Variants in CACNB2 observed in about 807,000 individuals in gnomAD.
CACNB2 encodes the protein voltage-dependent L-type calcium channel subunit beta-2.
A neutral mutation model predicts 73.3 loss-of-function variants in CACNB2; 42 were observed. The ratio of observed to expected loss-of-function variants is 0.57; its 90% CI spans 0.45 to 0.74. The LOEUF (loss-of-function observed/expected upper bound fraction) is 0.74, where lower values mean the gene tolerates loss of function less well. CACNB2 is among the 30% of genes least tolerant of loss of function. The probability of loss-of-function intolerance (pLI) is 0.00; values close to 1 mark genes in which losing one functional copy is unlikely to be tolerated. For synonymous variants in CACNB2, 348 were observed against 310.3 expected (o/e 1.12, Z -1.28); for missense variants, 940 against 853.0 (o/e 1.10, Z -1.27).
chr10:18,297,955 G>A lies in CACNB2; in HGVS notation c.214-103969G>A, dbSNP rs114304084. 9.9e-3 allele frequency among the ~76,000 whole-genome samples: 1,507 copies of A among 152,296 alleles called. 10 individuals are homozygous for A. Among genetic ancestry groups the A allele is most frequent in the African/African-American group, 0.016 (685 of 41,584 alleles). ...GCCGAAGAATGTGGATAAAGAAAGG[G>A]AAGGAGAATCAAATAATGCCCCCCA... is the stretch of plus-strand genomic sequence containing the variant. On this transcript the variant is annotated intron_variant, in intron 2 of 13. Transcript: ENST00000324631.
rs554425210 is a variant in CACNB2 at position 18,163,229 on chromosome 10, A to C, written c.213+12254A>C. Among the ~76,000 whole-genome samples, 7 of 152,346 alleles carry C rather than the reference A, an allele frequency of 4.6e-5. No individual in the cohort carries two copies. The South Asian group carries it at 1.4e-3, about 32-fold the overall frequency. ...ATTTGATCATTTGCACAACTCAGTGAGATGGATGATGTTAGTATCCCCGTT... is the reference window on the plus strand; with the variant it reads ...ATTTGATCATTTGCACAACTCAGTGCGATGGATGATGTTAGTATCCCCGTT... On this transcript the variant is annotated intron_variant, in intron 2 of 13. Coordinates refer to ENST00000324631, the MANE Select transcript of CACNB2 (RefSeq NM_201596.3).
At chr10:18,222,409 C>CACACACAG (rs2035830130) in intron 2 of CACNB2, among the ~76,000 whole-genome samples, 1 of 83,632 alleles carries the variant, frequency 1.2e-5, no homozygotes, top group Non-Finnish European at 3.0e-5. Context: ...CACACACATA[C>CACACACAG]ACACACACAC....
Position 18,539,296 on chromosome 10 carries a change from G to A in CACNB2, c.1555G>A (p.Glu519Lys). 6.2e-7 allele frequency: 1 copy of A among 1,613,976 alleles called. No homozygotes were observed. Among genetic ancestry groups the A allele is most frequent in the Non-Finnish European group, 8.5e-7 (1 of 1,179,996 alleles). ...PIRSASQAEE[E>K]PSVEPVKKSQ... is the part of the protein sequence containing the mutation. The stretch of plus-strand genomic sequence containing the variant: ...CCGTTCTGCTTCCCAAGCTGAAGAA[G>A]AACCTAGTGTGGAACCAGTCAAGAA... Residue 519 changes from glutamate to lysine, a missense_variant, in exon 14 of 14, where the codon GAA (glutamate) becomes AAA (lysine). Coordinates refer to ENST00000324631, the MANE Select transcript of CACNB2 (RefSeq NM_201596.3).
intron 9 of CACNB2, among the ~76,000 whole-genome samples, chr10:18,519,330 C>G (rs1158135181): frequency 6.6e-6 from 1 of 152,150 alleles, no homozygotes; most frequent in Non-Finnish European, 1.5e-5. Flanking sequence ...TGCCATCTCC[C>G]CCTCCTTAAT....
At chr10:18,141,295 C>A in intron 1 of CACNB2, 1 of 1,244,574 alleles carries the variant, frequency 8.0e-7, no homozygotes, top group Non-Finnish European at 1.1e-6. Context: ...CGCTCCGAGC[C>A]GGGGTGGGCG....
chr10:18,165,175 T>A (rs1319441380), intron 2 of CACNB2, among the ~76,000 whole-genome samples: 2 of 152,092 alleles, frequency 1.3e-5, no homozygotes, highest in Non-Finnish European at 2.9e-5. Flanking sequence ...AAGAAAGTCA[T>A]ATTTGAGCTG....
chr10:18,349,379 G>A (rs767563897), intron 2 of CACNB2, among the ~76,000 whole-genome samples: 1 of 152,204 alleles, frequency 6.6e-6, no homozygotes, highest in Non-Finnish European at 1.5e-5. Flanking sequence ...TAAGTTAATA[G>A]ACCACAGCGA....
intron 2 of CACNB2, among the ~76,000 whole-genome samples, chr10:18,156,875 A>AT (rs34590981): frequency 4.4e-5 from 3 of 68,364 alleles, no homozygotes; most frequent in Non-Finnish European, 8.7e-5. Context: ...CTAAAAGTAG[A>AT]AAAAAAAAAA....
At chr10:18,504,437 AT>A (rs11284460) in intron 5 of CACNB2, among the ~76,000 whole-genome samples, 113,915 of 151,856 alleles carry the variant, frequency 0.75, 43,095 homozygotes, top group East Asian at 0.98. Context: ...TTGCTCTTGC[AT>A]TTTTTTCCCT....
intron 2 of CACNB2, among the ~76,000 whole-genome samples, chr10:18,269,974 C>T (rs2037980511): frequency 1.3e-5 from 2 of 152,188 alleles, no homozygotes; most frequent in Non-Finnish European, 2.9e-5. Context: ...CATCCTAGTG[C>T]AGGCTGTTAT....
chr10:18,524,410 C>T (rs998526512), intron 9 of CACNB2, among the ~76,000 whole-genome samples: 1 of 151,892 alleles, frequency 6.6e-6, no homozygotes, highest in Non-Finnish European at 1.5e-5. Flanking sequence ...AATCCCAGCA[C>T]TTTGGGAGGC....
Position 18,523,046 on chromosome 10 carries a change from T to C in CACNB2, c.944+4078T>C, listed in dbSNP as rs117803175. Among the ~76,000 whole-genome samples, 611 of 152,318 alleles carry C rather than the reference T, an allele frequency of 4.0e-3. 4 individuals are homozygous for C. The highest frequency in any genetic ancestry group is 0.024 in the Middle Eastern group (7 of 294). On this transcript the variant is annotated intron_variant, in intron 9 of 13. Coordinates refer to ENST00000324631, the MANE Select transcript of CACNB2 (RefSeq NM_201596.3). ...CTAATTAGATTTTTTTAATTTTCCA[T>C]ATCTTTAAGAAATATTTTTCAGTTT... is the stretch of plus-strand genomic sequence containing the variant.
chr10:18,398,789 A>G (rs991984905), intron 2 of CACNB2, among the ~76,000 whole-genome samples: 4 of 152,042 alleles, frequency 2.6e-5, no homozygotes, highest in South Asian at 2.1e-4. Context: ...CTATGCTTCT[A>G]TGAACTACTC....
At chr10:18,224,074 G>T (rs907595575) in intron 2 of CACNB2, among the ~76,000 whole-genome samples, 3 of 151,460 alleles carry the variant, frequency 2.0e-5, no homozygotes, top group African/African-American at 4.9e-5. Context: ...ACTGCTTTTA[G>T]GTGGCCCTAG....
intron 2 of CACNB2, among the ~76,000 whole-genome samples, chr10:18,263,021 T>C (rs1009506532): frequency 6.6e-6 from 1 of 152,226 alleles, no homozygotes; most frequent in Non-Finnish European, 1.5e-5. Context: ...CAGATGTCTT[T>C]TAAAGATAAA....
In CACNB2 at chr10:18,380,455, T is replaced by TC. The variant is rs200922624; in HGVS notation, c.214-21469_214-21468insC. 0.032 allele frequency among the ~76,000 whole-genome samples: 4,569 copies of TC among 143,264 alleles called. 680 individuals carry two copies. The East Asian group carries it at 0.49, about 15-fold the overall frequency. The allele number at this position is 143,264 out of a possible 152,430, so 94.0% of individuals were successfully genotyped here. A position where few individuals can be genotyped will look rare whatever the true frequency, so the allele number is the denominator to read the frequency against. ...CTAACTTGAAACATGTGTTTTTCTTTTTTTTTTTTTTTTTTTTGAGATGGA... is the reference window on the plus strand; with the variant it reads ...CTAACTTGAAACATGTGTTTTTCTTTCTTTTTTTTTTTTTTTTTGAGATGGA... On this transcript the variant is annotated intron_variant, in intron 2 of 13. Coordinates refer to ENST00000324631, the MANE Select transcript of CACNB2 (RefSeq NM_201596.3).
intron 2 of CACNB2, among the ~76,000 whole-genome samples, chr10:18,219,753 T>G (rs2131382869): frequency 6.6e-6 from 1 of 151,152 alleles, no homozygotes; most frequent in South Asian, 2.1e-4. Flanking sequence ...CTTTCTGGCT[T>G]TTCTCTGGCA....
At chr10:18,317,859 A>G (rs1029671514) in intron 2 of CACNB2, among the ~76,000 whole-genome samples, 6 of 152,220 alleles carry the variant, frequency 3.9e-5, no homozygotes, top group African/African-American at 7.2e-5. Context: ...CTATGAATAA[A>G]GAACATGAGG....
intron 2 of CACNB2, among the ~76,000 whole-genome samples, chr10:18,315,515 A>C (rs2040139360): frequency 7.6e-5 from 10 of 132,056 alleles, no homozygotes; most frequent in South Asian, 4.9e-4. Flanking sequence ...AAAAAAAAAA[A>C]AAAAAAAAAA....
Sources: gnomAD v4.1 joint callset for allele counts (sites outside exome capture counted in the v4.1 genomes callset) on GRCh38, gnomAD v4.1.1 for gene constraint, MANE v1.5 for transcripts, NCBI Gene and HGNC (gene_info 2026-07-23, HGNC 2026-07-21) for gene names.